The following PALMD variants were observed in gnomAD, a reference collection of about 807,000 sequenced individuals.
The protein encoded by PALMD is palmdelphin.
In PALMD, 42 loss-of-function variants were observed where a neutral mutation model predicts 56.2. That is an observed-to-expected ratio of 0.75 (90% CI 0.58 to 0.97). The LOEUF is 0.97. Among genes scored for constraint, PALMD ranks in the 50% least tolerant of loss-of-function variants. PALMD has a pLI of 0.00. For synonymous variants in PALMD, 242 were observed against 222.9 expected, an observed-to-expected ratio of 1.09 and a Z score of -0.76; for missense variants, 660 against 643.8, an observed-to-expected ratio of 1.03 and a Z score of -0.27.
rs539080947 is a variant in PALMD, at chr1:99,689,649, C to T, written c.1389C>T (p.Tyr463=). ...EDEGEAEKPS[Y]HPIAPHSQVY... ...AAGGAGAAGCAGAGAAACCGTCCTA[C>T]CACCCCATAGCTCCCCATAGTCAGG... is the stretch of plus-strand genomic sequence containing the variant. The change falls in exon 7 of 8, where the codon TAC becomes TAT. Residue 463 remains tyrosine (Y), a synonymous_variant. Transcript: ENST00000263174. 8.7e-6 allele frequency: 14 copies of T among 1,613,674 alleles called. No homozygotes were observed. The South Asian group carries it at 1.4e-4, about 16-fold the overall frequency.
Position 99,689,497 on chromosome 1 carries a change from G to A in PALMD, c.1237G>A (p.Val413Met). The A allele has an allele frequency of 6.2e-7, 1 of 1,613,764 alleles. No individual in the cohort carries two copies. Among genetic ancestry groups the A allele is most frequent in the Non-Finnish European group, 8.5e-7 (1 of 1,179,852 alleles). Reference protein sequence around the residue: ...LPPDINDTEPVTMIFMGYQQA... With the variant: ...LPPDINDTEPMTMIFMGYQQA... ...TCCAGACATAAATGATACAGAACCG[G>A]TGACAATGATTTTCATGGGGTATCA... Residue 413 changes from valine to methionine, a missense_variant, in exon 7 of 8, where the codon GTG becomes ATG. Physicochemically the swap from Val to Met is conservative, Grantham distance 21. Coordinates refer to ENST00000263174, the MANE Select transcript of PALMD (RefSeq NM_017734.5).
Position 99,686,735 on chromosome 1 carries a change from A to T in PALMD, c.311A>T (p.Glu104Val). Residue 104 changes from glutamate to valine, a missense_variant, in exon 4 of 8, where the codon GAG becomes GTG. Transcript: ENST00000263174. ...KAELQISTKE[E>V]AILKKLKSIE... ...GAACTGCAAATCTCAACGAAGGAAGAGGCCATTTTAAAGAAACTAAAGTCA... is the reference window on the plus strand; with the variant it reads ...GAACTGCAAATCTCAACGAAGGAAGTGGCCATTTTAAAGAAACTAAAGTCA... 6.2e-7 allele frequency: 1 copy of T among 1,609,766 alleles called. No individual in the cohort carries two copies. Among genetic ancestry groups the T allele is most frequent in the Non-Finnish European group, 8.5e-7 (1 of 1,176,964 alleles).
At chr1:99,671,013 C>T (rs900032983) in intron 3 of PALMD, among the ~76,000 whole-genome samples, 13 of 152,226 alleles carry the variant, frequency 8.5e-5, no homozygotes, top group African/African-American at 2.9e-4. Context: ...AGTACAATTT[C>T]CTGTTAGCAC....
In PALMD at chr1:99,676,824, G is replaced by A. The variant is rs77587270; in HGVS notation, c.251+9058G>A. Reference sequence around the variant, plus strand: ...AAGCTCACCTTCTAATATATTACATGACCCTCAACTTTATTAAGAAAATGT... The same window carrying A: ...AAGCTCACCTTCTAATATATTACATAACCCTCAACTTTATTAAGAAAATGT... On this transcript the variant is annotated intron_variant, in intron 3 of 7. Transcript: ENST00000263174. 1.7e-4 allele frequency among the ~76,000 whole-genome samples: 26 copies of A among 152,018 alleles called. No homozygotes were observed. The East Asian group carries it at 4.6e-3, about 27-fold the overall frequency.
chr1:99,693,959 A>G, intron 7 of PALMD, 60 bp from the exon 8 acceptor site: 1 of 1,202,734 alleles, frequency 8.3e-7, no homozygotes, highest in Non-Finnish European at 1.2e-6. Context: ...ATGAATGGCC[A>G]TTTAGAGTAA....
chr1:99,689,304 G>A lies in PALMD; in HGVS notation c.1044G>A (p.Met348Ile). 1 of 1,613,560 alleles carries A rather than the reference G, an allele frequency of 6.2e-7. No individual in the cohort carries two copies. Among genetic ancestry groups the A allele is most frequent in the Non-Finnish European group, 8.5e-7 (1 of 1,179,826 alleles). ...TTCACACCCCGCAAAAAAGGCTAAT[G>A]ACTCCTTGGGAAGAATCGAATGTCA... ...EKLHTPQKRL[M>I]TPWEESNVMQ... Residue 348 changes from methionine to isoleucine, a missense_variant, in exon 7 of 8, where the codon ATG becomes ATA. By Grantham distance (10) the Met-to-Ile change is conservative (BLOSUM62 1). Coordinates refer to ENST00000263174, the MANE Select transcript of PALMD (RefSeq NM_017734.5).
intron 3 of PALMD, among the ~76,000 whole-genome samples, chr1:99,670,318 G>C (rs1343724195): frequency 3.9e-5 from 6 of 152,122 alleles, no homozygotes; most frequent in African/African-American, 1.4e-4. Context: ...AATAATAATA[G>C]TAATGGTTCA....
intron 7 of PALMD, 57 bp downstream of exon 7, chr1:99,689,929 G>T: frequency 6.7e-7 from 1 of 1,495,100 alleles, no homozygotes; most frequent in Non-Finnish European, 8.9e-7. Context: ...AGCTTCTCTT[G>T]TGCTAATGCA....
chr1:99,650,003 T>G (rs1652529030), intron 1 of PALMD, among the ~76,000 whole-genome samples: 1 of 152,156 alleles, frequency 6.6e-6, no homozygotes, highest in South Asian at 2.1e-4. Context: ...CTTGTGCATT[T>G]AAATGAAAAG....
intron 3 of PALMD, among the ~76,000 whole-genome samples, chr1:99,679,358 T>C (rs528405939): frequency 6.6e-6 from 1 of 152,136 alleles, no homozygotes; most frequent in African/African-American, 2.4e-5. Flanking sequence ...GCAAAGAAAG[T>C]CTTGCTATAA....
intron 1 of PALMD, among the ~76,000 whole-genome samples, chr1:99,655,935 CACACACACACACAT>C (rs1325868503): frequency 5.9e-5 from 6 of 100,998 alleles, no homozygotes; most frequent in Non-Finnish European, 8.8e-5. Context: ...AACACACACG[CACACACACACACAT>C]GCACACACAC....
At chr1:99,648,783 T>C (rs1298229426) in intron 1 of PALMD, among the ~76,000 whole-genome samples, 2 of 151,532 alleles carry the variant, frequency 1.3e-5, no homozygotes, top group African/African-American at 4.9e-5. Context: ...TGGTTTCAAG[T>C]GCCTAAAAAG....
At chr1:99,656,017 C>T (rs1427396262) in intron 1 of PALMD, among the ~76,000 whole-genome samples, 1 of 151,996 alleles carries the variant, frequency 6.6e-6, no homozygotes, top group East Asian at 1.9e-4. Flanking sequence ...ATCTCATCAC[C>T]CTGAATTTTT....
chr1:99,647,755 C>T (rs1652475232), intron 1 of PALMD, among the ~76,000 whole-genome samples: 1 of 152,210 alleles, frequency 6.6e-6, no homozygotes, highest in African/African-American at 2.4e-5. Flanking sequence ...TCACAGGCTC[C>T]ACTATTTCTA....
intron 2 of PALMD, among the ~76,000 whole-genome samples, chr1:99,663,616 TAC>T (rs1214421599): frequency 6.6e-6 from 1 of 151,588 alleles, no homozygotes; most frequent in Non-Finnish European, 1.5e-5. Flanking sequence ...ACACACACAA[TAC>T]ACACAATCTG....
intron 2 of PALMD, among the ~76,000 whole-genome samples, chr1:99,666,738 A>T (rs1372026229): frequency 6.6e-6 from 1 of 152,204 alleles, no homozygotes; most frequent in African/African-American, 2.4e-5. Flanking sequence ...CCTTGAAAAT[A>T]ACATGACCAT....
At chr1:99,685,003 A>G (rs1309312934) in intron 3 of PALMD, 1 of 152,232 alleles carries the variant, frequency 6.6e-6, no homozygotes, top group Non-Finnish European at 1.5e-5. Flanking sequence ...GACTGTCTCT[A>G]ACAGGCAAAT....
rs770604197 is a variant in PALMD at position 99,662,447 on chromosome 1, T to C, written c.126+48T>C. On this transcript the variant is annotated intron_variant, in intron 2 of 7. Coordinates refer to ENST00000263174, the MANE Select transcript of PALMD (RefSeq NM_017734.5). The stretch of plus-strand genomic sequence containing the variant: ...TTTCAATGATTTTGTATTCAAAAAT[T>C]CTATTGGTACTCAAATTTCAATAGT... 1.1e-5 allele frequency: 12 copies of C among 1,074,962 alleles called. No individual in the cohort carries two copies. In the Admixed American group the frequency reaches 2.5e-4, roughly 23 times the overall value. The allele number at this position is 1,074,962 out of a possible 1,614,324, so 66.6% of individuals were successfully genotyped here. A position where few individuals can be genotyped will look rare whatever the true frequency, so the allele number is the denominator to read the frequency against.
chr1:99,679,478 C>T (rs946972367), intron 3 of PALMD, among the ~76,000 whole-genome samples: 2 of 152,152 alleles, frequency 1.3e-5, no homozygotes, highest in African/African-American at 4.8e-5. Flanking sequence ...AAAGCCCGGA[C>T]TTCAATCCTT....
Sources: allele counts gnomAD v4.1 joint callset (sites outside exome capture counted in the v4.1 genomes callset), GRCh38; gene constraint gnomAD v4.1.1; transcripts MANE v1.5; gene names NCBI Gene and HGNC (gene_info 2026-07-23, HGNC 2026-07-21).